The following FAR2 variants were observed in gnomAD, a reference collection of about 807,000 sequenced individuals.
FAR2 encodes epididymis secretory protein Li 81.
FAR2 carries 19 observed loss-of-function variants against 56.0 expected under a neutral mutation model. The ratio of observed to expected loss-of-function variants is 0.34; its 90% CI spans 0.24 to 0.50. FAR2 has a LOEUF of 0.50. FAR2 is among the 20% of genes least tolerant of loss of function. The pLI, the probability that FAR2 is intolerant of heterozygous loss-of-function variation, is 0.98. For missense variants in FAR2, 508 were observed against 642.2 expected (o/e 0.79, Z 2.26); for synonymous variants, 219 against 218.8 (o/e 1.00, Z -0.01).
intron 4 of FAR2, among the ~76,000 whole-genome samples, chr12:29,302,934 G>T (rs1485730391): frequency 6.6e-6 from 1 of 152,052 alleles, no homozygotes; most frequent in Non-Finnish European, 1.5e-5. Flanking sequence ...TGCATATGGG[G>T]TTGCACCTAT....
intron 1 of FAR2, among the ~76,000 whole-genome samples, chr12:29,211,480 A>G (rs74532939): frequency 3.3e-5 from 5 of 152,312 alleles, no homozygotes; most frequent in East Asian, 3.9e-4. Context: ...CAAGTTAAGT[A>G]TATCAACAAG....
intron 2 of FAR2, among the ~76,000 whole-genome samples, chr12:29,278,747 C>T (rs994130414): frequency 2.6e-5 from 4 of 152,130 alleles, no homozygotes; most frequent in African/African-American, 9.7e-5. Flanking sequence ...TGATTGCTTA[C>T]AGAAAGCTAG....
At chr12:29,190,016 T>C (rs1242466842) in intron 1 of FAR2, among the ~76,000 whole-genome samples, 2 of 152,076 alleles carry the variant, frequency 1.3e-5, no homozygotes, top group Non-Finnish European at 2.9e-5. Flanking sequence ...GAAGGACAAC[T>C]CATGGATTGG....
At chr12:29,155,179 C>T (rs1352788777) in intron 1 of FAR2, among the ~76,000 whole-genome samples, 1 of 152,206 alleles carries the variant, frequency 6.6e-6, no homozygotes, top group Non-Finnish European at 1.5e-5. Context: ...GTCTCTGTTT[C>T]ATACATGTGA....
At chr12:29,175,167 C>T (rs188645891) in intron 1 of FAR2, among the ~76,000 whole-genome samples, 47 of 152,316 alleles carry the variant, frequency 3.1e-4, no homozygotes, top group Admixed American at 5.2e-4. Flanking sequence ...GAAAGGGATC[C>T]GATGGTACTC....
chr12:29,163,700 TC>T (rs1253708345), intron 1 of FAR2, among the ~76,000 whole-genome samples: 1 of 152,222 alleles, frequency 6.6e-6, no homozygotes. Context: ...TGATATCATT[TC>T]AAAAGAAACA....
chr12:29,274,435 G>C (rs1446282035), intron 2 of FAR2, among the ~76,000 whole-genome samples: 1 of 151,956 alleles, frequency 6.6e-6, no homozygotes, highest in Non-Finnish European at 1.5e-5. Context: ...TCTTAATCCA[G>C]TCTATCATTA....
At chr12:29,327,373 A>T (rs1417281520) in intron 10 of FAR2, among the ~76,000 whole-genome samples, 2 of 151,982 alleles carry the variant, frequency 1.3e-5, no homozygotes, top group Admixed American at 6.6e-5. Context: ...AAGCTACCAA[A>T]GACTTTCTTC....
chr12:29,204,784 C>T (rs1249921778), intron 1 of FAR2, among the ~76,000 whole-genome samples: 8 of 152,220 alleles, frequency 5.3e-5, no homozygotes, highest in African/African-American at 1.4e-4. Context: ...TGGGTGGAAG[C>T]GGGGAGGTGC....
rs981489573 is a variant in FAR2, at chr12:29,238,805, T to C, written c.-38-31607T>C. ...CAGAGTTCTTTGATTGAAAGCAAAA[T>C]AAGCCAACTAAGGAAACTGTATTAG... On this transcript the variant is annotated intron_variant, in intron 1 of 11. Transcript: ENST00000536681. Among the ~76,000 whole-genome samples, 17 of 152,260 alleles carry C rather than the reference T, an allele frequency of 1.1e-4. 1 individual carries two copies. Among genetic ancestry groups the C allele is most frequent in the Admixed American group, 9.8e-4 (15 of 15,286 alleles).
At chr12:29,158,192 C>A (rs1309932840) in intron 1 of FAR2, among the ~76,000 whole-genome samples, 3 of 151,950 alleles carry the variant, frequency 2.0e-5, no homozygotes, top group African/African-American at 4.8e-5. Context: ...AGTAAAAAAA[C>A]CAACTTTGTA....
chr12:29,321,978 G>T, intron 10 of FAR2, 54 bp downstream of exon 10: 1 of 1,548,058 alleles, frequency 6.5e-7, no homozygotes, highest in Non-Finnish European at 8.7e-7. Flanking sequence ...TTGGAATTTA[G>T]AATTATTTGA....
intron 1 of FAR2, among the ~76,000 whole-genome samples, chr12:29,255,301 C>T (rs74995013): frequency 0.035 from 5,374 of 152,206 alleles, 311 homozygotes; most frequent in African/African-American, 0.12. Context: ...TCTCTGGTGT[C>T]CCTCCCTCTG....
intron 4 of FAR2, among the ~76,000 whole-genome samples, chr12:29,305,453 AAACT>A (rs775587826): frequency 3.6e-4 from 55 of 152,294 alleles, no homozygotes; most frequent in Admixed American, 5.9e-4. Flanking sequence ...TGACACTTTA[AAACT>A]AACTATTACC....
intron 1 of FAR2, among the ~76,000 whole-genome samples, chr12:29,195,300 A>T (rs974215366): frequency 4.6e-5 from 7 of 152,202 alleles, no homozygotes; most frequent in South Asian, 2.1e-4. Context: ...GGAAACTACT[A>T]TCTACCATCT....
intron 2 of FAR2, among the ~76,000 whole-genome samples, chr12:29,284,420 A>G (rs1370807804): frequency 3.9e-5 from 6 of 152,218 alleles, no homozygotes; most frequent in Non-Finnish European, 8.8e-5. Flanking sequence ...AAGTGGGTTT[A>G]TAAACAAAGA....
At position 29,302,236 on chromosome 12, in the gene FAR2, GAAAAAAA is replaced by G. The variant is rs57752714; in HGVS notation, c.545+5056_545+5062del. On this transcript the variant is annotated intron_variant, in intron 4 of 11. Transcript: ENST00000536681. ...GACAGAGCGAGACTCCATCTCAAAG[GAAAAAAA>G]AAAAAAAAAAAAAAAAAAAGGTGCT... 1.2e-4 allele frequency among the ~76,000 whole-genome samples: 11 copies of G among 93,080 alleles called. 1 individual carries two copies. In the South Asian group the frequency reaches 2.1e-3, roughly 18 times the overall value. 61.1% of individuals were successfully genotyped at this position (93,080 alleles called of 152,430 possible). A position where few individuals can be genotyped will look rare whatever the true frequency, so the allele number is the denominator to read the frequency against.
chr12:29,256,965 G>A (rs531179052), intron 1 of FAR2, among the ~76,000 whole-genome samples: 1 of 152,132 alleles, frequency 6.6e-6, no homozygotes, highest in Non-Finnish European at 1.5e-5. Context: ...CCTCCTCGAC[G>A]AGCGCCACCC....
At chr12:29,245,156 T>G (rs1948106802) in intron 1 of FAR2, among the ~76,000 whole-genome samples, 3 of 152,172 alleles carry the variant, frequency 2.0e-5, no homozygotes, top group Admixed American at 6.5e-5. Flanking sequence ...GATTTTTGTA[T>G]TTTTAGTAAG....
Sources: allele counts gnomAD v4.1 joint callset (sites outside exome capture counted in the v4.1 genomes callset), GRCh38; gene constraint gnomAD v4.1.1; transcripts MANE v1.5; gene names NCBI Gene and HGNC (gene_info 2026-07-23, HGNC 2026-07-21).